Variants in CEACAM21 observed in about 807,000 individuals in gnomAD.
CEACAM21 encodes the protein cell adhesion molecule CEACAM21.
CEACAM21 carries 38 observed loss-of-function variants against 33.2 expected under a neutral mutation model. That is an observed-to-expected ratio of 1.14 (90% CI 0.88 to 1.50). The LOEUF is 1.50. Among genes scored for constraint, CEACAM21 ranks in the 40% most tolerant of loss-of-function variants. The probability of loss-of-function intolerance (pLI) is 0.00; values close to 1 mark genes in which losing one functional copy is unlikely to be tolerated. For missense variants in CEACAM21, 385 were observed against 364.6 expected (o/e 1.06, Z -0.46); for synonymous variants, 156 against 143.0 (o/e 1.09, Z -0.65).
At chr19:41,558,878 G>C (rs1555786161) in intron 1 of CEACAM21, among the ~76,000 whole-genome samples, 3 of 152,164 alleles carry the variant, frequency 2.0e-5, no homozygotes, top group African/African-American at 2.4e-5. Context: ...TACTGCTTTA[G>C]TAAGCCTTAA....
intron 2 of CEACAM21, among the ~76,000 whole-genome samples, chr19:41,569,678 C>A (rs1018155350): frequency 2.2e-4 from 33 of 152,094 alleles, no homozygotes; most frequent in Non-Finnish European, 7.4e-5. Context: ...GCTGATGGAG[C>A]CTCCCATGCC....
chr19:41,559,913 G>A (rs2041772417), intron 1 of CEACAM21, among the ~76,000 whole-genome samples: 1 of 152,196 alleles, frequency 6.6e-6, no homozygotes, highest in Non-Finnish European at 1.5e-5. Flanking sequence ...GTTAGAGGCT[G>A]TAGTGAGCCA....
intron 2 of CEACAM21, among the ~76,000 whole-genome samples, chr19:41,566,368 AT>A (rs1403407446): frequency 3.9e-5 from 6 of 152,336 alleles, no homozygotes; most frequent in African/African-American, 1.2e-4. Flanking sequence ...GATTTCATCA[AT>A]TTTACAGAAT....
chr19:41,580,746 A>G (rs1371515154), intron 3 of CEACAM21, among the ~76,000 whole-genome samples: 3 of 152,208 alleles, frequency 2.0e-5, no homozygotes, highest in Non-Finnish European at 2.9e-5. Flanking sequence ...TTTGGGGTTC[A>G]TGACATAGAT....
chr19:41,582,343 T>C (rs2043463857), intron 3 of CEACAM21, among the ~76,000 whole-genome samples: 1 of 152,228 alleles, frequency 6.6e-6, no homozygotes, highest in Non-Finnish European at 1.5e-5. Flanking sequence ...GCAGCTTTTC[T>C]AGGTGCATGG....
At chr19:41,578,505 C>T (rs1233978451) in intron 2 of CEACAM21, among the ~76,000 whole-genome samples, 1 of 152,170 alleles carries the variant, frequency 6.6e-6, no homozygotes, top group Non-Finnish European at 1.5e-5. Context: ...CTCAACGTCA[C>T]ACCACCGTGT....
intron 2 of CEACAM21, among the ~76,000 whole-genome samples, chr19:41,565,969 G>A (rs574823468): frequency 7.6e-6 from 1 of 131,340 alleles, no homozygotes; most frequent in Admixed American, 7.4e-5. Context: ...TTGGGGGGGC[G>A]GGGGGGGTGG....
upstream of CEACAM21, among the ~76,000 whole-genome samples, chr19:41,576,014 T>C (rs925274399): frequency 6.6e-6 from 1 of 151,858 alleles, no homozygotes; most frequent in Non-Finnish European, 1.5e-5. Context: ...TTCTCAAAGT[T>C]TTGCCTAGGG....
intron 3 of CEACAM21, among the ~76,000 whole-genome samples, chr19:41,581,381 G>A (rs1402359473): frequency 6.6e-6 from 1 of 152,196 alleles, no homozygotes; most frequent in Non-Finnish European, 1.5e-5. Context: ...GCTAATGACT[G>A]GTTTGCTGTT....
intron 1 of CEACAM21, among the ~76,000 whole-genome samples, chr19:41,550,868 C>G (rs1030077020): frequency 4.6e-5 from 7 of 152,122 alleles, no homozygotes; most frequent in Admixed American, 6.5e-5. Context: ...ATTTTTTCTA[C>G]TGAATGGATG....
chr19:41,574,168 C>T (rs2042784574), upstream of CEACAM21, among the ~76,000 whole-genome samples: 1 of 152,174 alleles, frequency 6.6e-6, no homozygotes, highest in East Asian at 1.9e-4. Context: ...AGTTAGACCC[C>T]TACCTCACAG....
At chr19:41,562,710 T>C (rs1555787142) in intron 1 of CEACAM21, among the ~76,000 whole-genome samples, 1 of 151,316 alleles carries the variant, frequency 6.6e-6, no homozygotes, top group African/African-American at 2.5e-5. Flanking sequence ...AAGCAAGTAT[T>C]TGAAAATTCA....
chr19:41,576,149 C>A, upstream of CEACAM21: 1 of 1,149,598 alleles, frequency 8.7e-7, no homozygotes, highest in Non-Finnish European at 1.3e-6. Context: ...GTGCTCCTGC[C>A]TGAGAGGAAG....
chr19:41,559,339 T>A (rs900379943), intron 1 of CEACAM21, among the ~76,000 whole-genome samples: 1 of 152,114 alleles, frequency 6.6e-6, no homozygotes, highest in East Asian at 1.9e-4. Flanking sequence ...TAAAAACAAG[T>A]GATAATTAAA....
chr19:41,549,766 A>G (rs1555783803), intron 1 of CEACAM21, among the ~76,000 whole-genome samples: 1 of 152,110 alleles, frequency 6.6e-6, no homozygotes, highest in Non-Finnish European at 1.5e-5. Context: ...ACTGTTCACT[A>G]CAGCCTCCAA....
At chr19:41,579,689 G>C (rs1555792895) in intron 3 of CEACAM21, 61 bp downstream of exon 3, 1 of 1,183,324 alleles carries the variant, frequency 8.5e-7, no homozygotes, top group Non-Finnish European at 1.2e-6. Context: ...AGGGAGGGGG[G>C]GTGTAAAATG....
intron 1 of CEACAM21, among the ~76,000 whole-genome samples, chr19:41,558,413 C>A (rs782219873): frequency 2.0e-5 from 3 of 152,060 alleles, no homozygotes; most frequent in Non-Finnish European, 4.4e-5. Flanking sequence ...TTTGGGAGGC[C>A]GAGGCAGGTA....
In CEACAM21 at chr19:41,585,861, C is replaced by T; in HGVS notation, c.872C>T (p.Ser291Phe). Residue 291 changes from serine (S) to phenylalanine (F), a missense_variant, in exon 6 of 7, where the codon TCC (serine) becomes TTC (phenylalanine). Coordinates refer to ENST00000401445, the MANE Select transcript of CEACAM21 (RefSeq NM_001098506.4). ...CCAGGCCATGGACCCTCTGACAGCT[C>T]CATCTCCTAGGTAAGACTGTCCGTT... ...STPGHGPSDS[S>F]IS is the part of the protein sequence containing the mutation. 2 of 1,613,098 alleles carry T rather than the reference C, an allele frequency of 1.2e-6. No individual in the cohort carries two copies. Among genetic ancestry groups the T allele is most frequent in the South Asian group, 2.2e-5 (2 of 90,764 alleles).
chr19:41,578,851 AC>A (rs1420159384), intron 2 of CEACAM21, among the ~76,000 whole-genome samples: 2 of 151,812 alleles, frequency 1.3e-5, no homozygotes, highest in Non-Finnish European at 2.9e-5. Context: ...TTCCCACTAC[AC>A]CCTGTACCTG....
Sources: allele counts gnomAD v4.1 joint callset (sites outside exome capture counted in the v4.1 genomes callset), GRCh38; gene constraint gnomAD v4.1.1; transcripts MANE v1.5; gene names NCBI Gene and HGNC (gene_info 2026-07-23, HGNC 2026-07-21).